KAT2B: variants seen among roughly 807,000 people sequenced by gnomAD.
KAT2B encodes histone acetyltransferase KAT2B.
KAT2B carries 36 observed loss-of-function variants against 105.9 expected under a neutral mutation model. That is an observed-to-expected ratio of 0.34 (90% confidence interval 0.26 to 0.45). The LOEUF is 0.45. Ranked by LOEUF, KAT2B falls within the 20% of genes least tolerant of loss-of-function variation. The probability of loss-of-function intolerance (pLI) is 1.00; values close to 1 mark genes in which losing one functional copy is unlikely to be tolerated. For missense variants in KAT2B, 820 were observed against 1,021.6 expected (o/e 0.80, Z 2.69); for synonymous variants, 397 against 377.9 (o/e 1.05, Z -0.59).
intron 13 of KAT2B, among the ~76,000 whole-genome samples, chr3:20,141,142 T>G (rs1428292025): frequency 1.3e-5 from 2 of 152,202 alleles, no homozygotes; most frequent in Admixed American, 6.5e-5. Flanking sequence ...ACCAGTTTGA[T>G]CCACCTATTT....
intron 1 of KAT2B, among the ~76,000 whole-genome samples, chr3:20,062,678 T>C (rs1255168718): frequency 6.6e-6 from 1 of 151,798 alleles, no homozygotes; most frequent in Non-Finnish European, 1.5e-5. Flanking sequence ...GCCAGACTGG[T>C]CTTGCATTCC....
chr3:20,073,120 T>TA (rs1178415409), intron 2 of KAT2B, among the ~76,000 whole-genome samples: 4 of 152,142 alleles, frequency 2.6e-5, no homozygotes, highest in Non-Finnish European at 4.4e-5. Context: ...TTAAAATATT[T>TA]AAAAAAATCA....
chr3:20,099,928 C>A lies in KAT2B; in HGVS notation c.643C>A (p.Pro215Thr). 2 of 1,605,264 alleles carry A rather than the reference C, an allele frequency of 1.2e-6. No homozygotes were observed. Among genetic ancestry groups the A allele is most frequent in the Non-Finnish European group, 1.7e-6 (2 of 1,172,600 alleles). ...TGAAGGCTCTTTGGAAAAGAAACCC[C>A]CATTTGAAAAACCTAGCATTGAACA... ...VVEGSLEKKPPFEKPSIEQGV... is the reference protein window; with the variant it reads ...VVEGSLEKKPTFEKPSIEQGV... The change falls in exon 4 of 18, where the codon CCA (proline) becomes ACA (threonine). Residue 215 changes from proline to threonine, a missense_variant. Transcript: ENST00000263754.
chr3:20,078,735 A>G (rs1411787268), intron 2 of KAT2B, among the ~76,000 whole-genome samples: 1 of 151,740 alleles, frequency 6.6e-6, no homozygotes, highest in Non-Finnish European at 1.5e-5. Flanking sequence ...AGCAGTGGGA[A>G]CTGACTGTTT....
chr3:20,125,118 C>G (rs944284570), intron 9 of KAT2B, among the ~76,000 whole-genome samples: 1 of 151,988 alleles, frequency 6.6e-6, no homozygotes, highest in African/African-American at 2.4e-5. Context: ...GTCAGGAGAT[C>G]GAGACCATCT....
At chr3:20,125,306 G>A (rs1018987516) in intron 9 of KAT2B, among the ~76,000 whole-genome samples, 79 of 117,088 alleles carry the variant, frequency 6.7e-4, no homozygotes, top group South Asian at 8.5e-4. Context: ...CTCCGTCTCA[G>A]AAAAAAAAAA....
chr3:20,040,856 TCCACCTCCGCCTC>T, intron 1 of KAT2B, 76 bp downstream of exon 1: 2 of 1,438,926 alleles, frequency 1.4e-6, no homozygotes, highest in Non-Finnish European at 1.8e-6. Flanking sequence ...CCCTCCCGCT[TCCACCTCCGCCTC>T]CCGCCTCCTG....
At chr3:20,092,868 A>G (rs1236172071) in intron 2 of KAT2B, among the ~76,000 whole-genome samples, 1 of 151,648 alleles carries the variant, frequency 6.6e-6, no homozygotes, top group Non-Finnish European at 1.5e-5. Context: ...TGCCCAGCTA[A>G]TTTTTGTATT....
intron 17 of KAT2B, among the ~76,000 whole-genome samples, chr3:20,149,186 C>T (rs908717706): frequency 1.3e-5 from 2 of 152,010 alleles, no homozygotes; most frequent in African/African-American, 4.8e-5. Flanking sequence ...GGGTGACAAC[C>T]AGTTGAAATG....
Position 20,141,257 on chromosome 3 carries a change from T to A in KAT2B, c.2004+893T>A, listed in dbSNP as rs1345223294. On this transcript the variant is annotated intron_variant, in intron 13 of 17. Transcript: ENST00000263754. ...CTTATCCTTCTAGGTATTAAGTGAT[T>A]TGTTATCTGGTATTGAGGTGACTTT... 3.3e-5 allele frequency among the ~76,000 whole-genome samples: 5 copies of A among 152,326 alleles called. No homozygotes were observed. In the East Asian group the frequency reaches 9.6e-4, roughly 29 times the overall value.
chr3:20,048,519 C>T (rs1448008369), intron 1 of KAT2B, among the ~76,000 whole-genome samples: 7 of 152,096 alleles, frequency 4.6e-5, no homozygotes, highest in Non-Finnish European at 1.0e-4. Flanking sequence ...TTAAGTAAAT[C>T]CATAGGGTCT....
intron 13 of KAT2B, among the ~76,000 whole-genome samples, chr3:20,145,634 T>A (rs1047359578): frequency 6.7e-6 from 1 of 149,986 alleles, no homozygotes; most frequent in African/African-American, 2.5e-5. Context: ...TATTAATAAT[T>A]ATTTTACAAA....
chr3:20,058,851 A>G (rs1698047169), intron 1 of KAT2B, among the ~76,000 whole-genome samples: 1 of 152,200 alleles, frequency 6.6e-6, no homozygotes, highest in Non-Finnish European at 1.5e-5. Flanking sequence ...AAGTCAAACC[A>G]TCTTTATCTC....
chr3:20,092,729 G>A (rs1698744673), intron 2 of KAT2B, among the ~76,000 whole-genome samples: 1 of 151,060 alleles, frequency 6.6e-6, no homozygotes, highest in Non-Finnish European at 1.5e-5. Flanking sequence ...TTGAGATGGA[G>A]TCTCCCTCTG....
rs1340123236 is a variant in KAT2B at position 20,099,957 on chromosome 3, A to G, written c.669+3A>G. 4 of 1,532,630 alleles carry G rather than the reference A, an allele frequency of 2.6e-6. No homozygotes were observed. In the Admixed American group the frequency reaches 5.2e-5, roughly 20 times the overall value. The allele number at this position is 1,532,630 out of a possible 1,614,324, so 94.9% of individuals were successfully genotyped here. ...TTGAAAAACCTAGCATTGAACAGGT[A>G]AAAAGATTTTAAAAGCCCTCTTTTT... is the stretch of plus-strand genomic sequence containing the variant. On this transcript the variant is annotated splice_donor_region_variant and intron_variant, in intron 4 of 17. Coordinates refer to ENST00000263754, the MANE Select transcript of KAT2B (RefSeq NM_003884.5).
intron 1 of KAT2B, among the ~76,000 whole-genome samples, chr3:20,047,273 TGTTTAACAGGCTG>T (rs1697829480): frequency 6.6e-6 from 1 of 152,146 alleles, no homozygotes. Context: ...GGTTTCGCCA[TGTTTAACAGGCTG>T]GTCTTGAACT....
At chr3:20,087,409 T>G (rs961545356) in intron 2 of KAT2B, among the ~76,000 whole-genome samples, 20 of 151,860 alleles carry the variant, frequency 1.3e-4, no homozygotes, top group African/African-American at 4.6e-4. Context: ...TGTATATATT[T>G]ATCGTGTATA....
At chr3:20,073,792 T>A (rs1210729221) in intron 2 of KAT2B, among the ~76,000 whole-genome samples, 1 of 152,228 alleles carries the variant, frequency 6.6e-6, no homozygotes, top group East Asian at 1.9e-4. Context: ...TAGGATTGCC[T>A]CAGGAAATGT....
At chr3:20,040,836 A>G in intron 1 of KAT2B, 56 bp downstream of exon 1, 2 of 1,490,930 alleles carry the variant, frequency 1.3e-6, no homozygotes, top group Admixed American at 2.1e-5. Flanking sequence ...AGCCCGCGGG[A>G]CCCCCCTCCC....
Sources: allele counts gnomAD v4.1 joint callset (sites outside exome capture counted in the v4.1 genomes callset), GRCh38; gene constraint gnomAD v4.1.1; transcripts MANE v1.5; gene names NCBI Gene and HGNC (gene_info 2026-07-23, HGNC 2026-07-21).